USP54: variants seen among roughly 807,000 people sequenced by gnomAD.
USP54 encodes ubiquitin specific peptidase 54, also known as ubiquitin carboxyl-terminal hydrolase 54.
USP54 carries 87 observed loss-of-function variants against 170.5 expected under a neutral mutation model. The observed-to-expected ratio is 0.51, with a 90% CI of 0.43 to 0.61. The LOEUF is 0.61. USP54 is among the 20% of genes least tolerant of loss of function. The pLI is 0.00. For synonymous variants in USP54, 655 were observed against 742.8 expected, an observed-to-expected ratio of 0.88 and a Z score of 1.92; for missense variants, 1,786 against 2,047.8, an observed-to-expected ratio of 0.87 and a Z score of 2.47.
chr10:73,610,340 G>A (rs1303504694), intron 1 of USP54, among the ~76,000 whole-genome samples: 1 of 152,174 alleles, frequency 6.6e-6, no homozygotes, highest in Non-Finnish European at 1.5e-5. Flanking sequence ...CTTTTGGCCA[G>A]GCACAGCGGC....
intron 15 of USP54, among the ~76,000 whole-genome samples, chr10:73,527,194 C>G (rs1252113791): frequency 6.6e-6 from 1 of 152,114 alleles, no homozygotes; most frequent in Admixed American, 6.6e-5. Context: ...TTCAAAGCAG[C>G]TCTACTATTA....
chr10:73,559,194 G>A (rs2072110284), intron 4 of USP54, among the ~76,000 whole-genome samples: 1 of 152,076 alleles, frequency 6.6e-6, no homozygotes, highest in South Asian at 2.1e-4. Context: ...GCCAAGACAG[G>A]TGGATCACCT....
chr10:73,528,334 G>A (rs1433090642), intron 15 of USP54, among the ~76,000 whole-genome samples: 2 of 151,458 alleles, frequency 1.3e-5, no homozygotes, highest in East Asian at 1.9e-4. Flanking sequence ...TCACTGCAAC[G>A]TCCACCTCCT....
rs1228000220 is a variant in USP54 at position 73,516,353 on chromosome 10, C to A, written c.4051+22G>T. 9 of 1,586,056 alleles carry A rather than the reference C, an allele frequency of 5.7e-6. No homozygotes were observed. The South Asian group carries it at 8.2e-5, about 14-fold the overall frequency. On this transcript the variant is annotated intron_variant, in intron 20 of 23. Coordinates refer to ENST00000687698, the MANE Select transcript of USP54 (RefSeq NM_001391956.1). The stretch of plus-strand genomic sequence containing the variant: ...TTTATATGATCCTCCCCCCTCCCCC[C>A]AACCCCTGGTTGCATTCTTACCTGT...
intron 1 of USP54, among the ~76,000 whole-genome samples, chr10:73,625,186 G>GT (rs1334141133): frequency 2.6e-5 from 4 of 152,074 alleles, no homozygotes; most frequent in Admixed American, 6.6e-5. Flanking sequence ...CAACCTTAGT[G>GT]TTTTTTTCTT....
chr10:73,514,556 C>CT (rs1196766107), intron 20 of USP54, among the ~76,000 whole-genome samples: 5 of 148,408 alleles, frequency 3.4e-5, no homozygotes, highest in African/African-American at 9.9e-5. Context: ...GAGCGAGACT[C>CT]TGTCTCAAAA....
chr10:73,545,819 T>G (rs967747321), intron 4 of USP54, 147 bp from the exon 5 acceptor site: 1 of 862,840 alleles, frequency 1.2e-6, no homozygotes, highest in Non-Finnish European at 1.7e-6. Flanking sequence ...AGTTAGTAAT[T>G]AAAAATAAAA....
chr10:73,532,535 C>A (rs1391844856), intron 12 of USP54, among the ~76,000 whole-genome samples: 1 of 152,174 alleles, frequency 6.6e-6, no homozygotes, highest in African/African-American at 2.4e-5. Context: ...CACAAATCTG[C>A]CTCTACTGGA....
intron 11 of USP54, 53 bp downstream of exon 11, chr10:73,536,216 G>A: frequency 6.3e-7 from 1 of 1,598,354 alleles, no homozygotes; most frequent in Non-Finnish European, 8.5e-7. Context: ...AGTCCCAACT[G>A]TTTGATCGCA....
chr10:73,533,378 T>G (rs1337912940), intron 12 of USP54, among the ~76,000 whole-genome samples: 3 of 152,090 alleles, frequency 2.0e-5, no homozygotes, highest in Admixed American at 2.0e-4. Flanking sequence ...GATATATTTA[T>G]GGAAAATGTG....
chr10:73,572,699 A>C lies in USP54; in HGVS notation c.148-1186T>G, dbSNP rs187023369. On this transcript the variant is annotated intron_variant, in intron 3 of 23. Transcript: ENST00000687698. ...ATAACAACAATTATTTTCAACATGT[A>C]ACATGATTATTATAGGGACTCCAAA... Among the ~76,000 whole-genome samples, 11 of 152,360 alleles carry C rather than the reference A, an allele frequency of 7.2e-5. No individual in the cohort carries two copies. In the East Asian group the frequency reaches 2.1e-3, roughly 29 times the overall value.
intron 1 of USP54, among the ~76,000 whole-genome samples, chr10:73,620,305 T>C (rs1459804891): frequency 7.0e-6 from 1 of 143,882 alleles, no homozygotes; most frequent in Non-Finnish European, 1.5e-5. Context: ...AGAGCGAGAC[T>C]CCATCTCAAA....
chr10:73,548,346 G>A (rs2068353716), intron 4 of USP54, among the ~76,000 whole-genome samples: 1 of 152,182 alleles, frequency 6.6e-6, no homozygotes, highest in Non-Finnish European at 1.5e-5. Flanking sequence ...TCTAGAACTA[G>A]AAATACCATT....
At chr10:73,566,133 G>C (rs561606380) in intron 4 of USP54, among the ~76,000 whole-genome samples, 65 of 152,288 alleles carry the variant, frequency 4.3e-4, no homozygotes, top group African/African-American at 1.4e-3. Context: ...GGGAGGATGA[G>C]GCAGAAGAAT....
At chr10:73,606,484 T>C (rs1407255612) in intron 1 of USP54, 2 of 151,964 alleles carry the variant, frequency 1.3e-5, no homozygotes, top group Non-Finnish European at 2.9e-5. Flanking sequence ...CAGTATAAGA[T>C]GTTGAGAGAG....
intron 1 of USP54, among the ~76,000 whole-genome samples, chr10:73,615,705 G>A (rs1326012334): frequency 6.7e-6 from 1 of 149,922 alleles, no homozygotes; most frequent in Admixed American, 6.6e-5. Flanking sequence ...CAGATCGCTT[G>A]AGGTCAGGAA....
chr10:73,545,768 C>A, intron 4 of USP54, 96 bp from the exon 5 acceptor site: 1 of 1,429,468 alleles, frequency 7.0e-7, no homozygotes, highest in Non-Finnish European at 9.5e-7. Flanking sequence ...ATGATGATAG[C>A]TATGAAACCA....
chr10:73,574,157 G>A (rs1283900099), intron 3 of USP54, among the ~76,000 whole-genome samples: 1 of 152,182 alleles, frequency 6.6e-6, no homozygotes, highest in Non-Finnish European at 1.5e-5. Context: ...TGACTGGGCA[G>A]AGCAGACAGA....
intron 12 of USP54, among the ~76,000 whole-genome samples, chr10:73,534,302 G>A (rs2064750372): frequency 6.6e-6 from 1 of 151,942 alleles, no homozygotes; most frequent in Non-Finnish European, 1.5e-5. Flanking sequence ...CGCCTCCTGG[G>A]TTCATGCCAT....
Sources: gnomAD v4.1 joint callset for allele counts (sites outside exome capture counted in the v4.1 genomes callset) on GRCh38, gnomAD v4.1.1 for gene constraint, MANE v1.5 for transcripts, NCBI Gene and HGNC (gene_info 2026-07-23, HGNC 2026-07-21) for gene names.